Variants in GPC5 observed in about 807,000 individuals in gnomAD.
GPC5 encodes the protein glypican-5.
In GPC5, 47 loss-of-function variants were observed where a neutral mutation model predicts 53.9. The observed-to-expected ratio is 0.87, with a 90% confidence interval of 0.69 to 1.11. The LOEUF (loss-of-function observed/expected upper bound fraction) is 1.11, where lower values mean the gene tolerates loss of function less well. Among genes scored for constraint, GPC5 ranks in the 50% most tolerant of loss-of-function variants. GPC5 has a pLI of 0.00. For synonymous variants in GPC5, 286 were observed against 263.3 expected (o/e 1.09, Z -0.84); for missense variants, 748 against 713.1 (o/e 1.05, Z -0.56).
intron 7 of GPC5, among the ~76,000 whole-genome samples, chr13:92,167,842 G>A (rs1490312712): frequency 1.3e-5 from 2 of 148,754 alleles, no homozygotes; most frequent in Non-Finnish European, 3.0e-5. Context: ...ACTCATTTTA[G>A]TTCAGTATCA....
intron 7 of GPC5, among the ~76,000 whole-genome samples, chr13:92,560,877 G>GTC (rs1882673984): frequency 6.6e-6 from 1 of 151,380 alleles, no homozygotes; most frequent in South Asian, 2.1e-4. Flanking sequence ...GTGTGTGTGT[G>GTC]TGTGTGTGTG....
At chr13:92,663,503 C>G (rs1886419296) in intron 7 of GPC5, among the ~76,000 whole-genome samples, 1 of 149,682 alleles carries the variant, frequency 6.7e-6, no homozygotes, top group African/African-American at 2.5e-5. Context: ...CTTTGGGAGG[C>G]TTAGACGGGC....
At chr13:92,458,854 A>C (rs1878375058) in intron 7 of GPC5, among the ~76,000 whole-genome samples, 1 of 152,204 alleles carries the variant, frequency 6.6e-6, no homozygotes, top group Non-Finnish European at 1.5e-5. Flanking sequence ...TAATAAACAC[A>C]GTGATAAGAA....
chr13:91,828,231 A>T (rs1435488732), intron 5 of GPC5, among the ~76,000 whole-genome samples: 2 of 151,964 alleles, frequency 1.3e-5, no homozygotes, highest in Non-Finnish European at 2.9e-5. Context: ...ATTTTCAAAA[A>T]CTCATTGAAT....
At chr13:92,274,746 G>C (rs940856939) in intron 7 of GPC5, among the ~76,000 whole-genome samples, 8 of 152,084 alleles carry the variant, frequency 5.3e-5, no homozygotes, top group East Asian at 3.9e-4. Flanking sequence ...AAAGCGTATG[G>C]GCTGAGGAGA....
intron 7 of GPC5, among the ~76,000 whole-genome samples, chr13:92,352,538 CT>C (rs1197583519): frequency 6.6e-6 from 1 of 151,910 alleles, no homozygotes; most frequent in Non-Finnish European, 1.5e-5. Flanking sequence ...CAATGGAAAA[CT>C]GCCAAAAGAC....
chr13:92,374,132 A>G (rs1020503417), intron 7 of GPC5, among the ~76,000 whole-genome samples: 1 of 152,194 alleles, frequency 6.6e-6, no homozygotes, highest in African/African-American at 2.4e-5. Flanking sequence ...CCTTTAGCTA[A>G]AAGAAACCAT....
chr13:92,601,554 CAAAAA>C (rs57333686), intron 7 of GPC5, among the ~76,000 whole-genome samples: 2 of 67,402 alleles, frequency 3.0e-5, no homozygotes, highest in African/African-American at 4.3e-5. Context: ...GACTCCATCT[CAAAAA>C]AAAAAAAAAA....
chr13:92,116,279 A>AC (rs2041600967), intron 6 of GPC5, among the ~76,000 whole-genome samples: 1 of 151,764 alleles, frequency 6.6e-6, no homozygotes, highest in African/African-American at 2.4e-5. Context: ...ACAAAAAAAA[A>AC]AAAACAGTGC....
At chr13:91,531,473 A>G (rs1886342638) in intron 2 of GPC5, among the ~76,000 whole-genome samples, 1 of 152,166 alleles carries the variant, frequency 6.6e-6, no homozygotes, top group Non-Finnish European at 1.5e-5. Context: ...TTTAAAACTT[A>G]CAAAGGAAAG....
At chr13:92,841,575 T>A (rs1021894312) in intron 7 of GPC5, among the ~76,000 whole-genome samples, 3 of 152,106 alleles carry the variant, frequency 2.0e-5, no homozygotes, top group Admixed American at 2.0e-4. Context: ...TTTAAATATA[T>A]CATAAGAGGA....
At position 91,808,340 on chromosome 13, in the gene GPC5, G is replaced by A. The variant is rs185353913; in HGVS notation, c.1280+51920G>A. On this transcript the variant is annotated intron_variant, in intron 5 of 7. Coordinates refer to ENST00000377067, the MANE Select transcript of GPC5 (RefSeq NM_004466.6). The stretch of plus-strand genomic sequence containing the variant: ...ATTGGTTATTGATTGTAGCTCTGCC[G>A]ATTTTGTGCCTTCCCATCTTGGTCA... Among the ~76,000 whole-genome samples the A allele has an allele frequency of 2.8e-4, 42 of 152,192 alleles. 1 individual carries two copies. The highest frequency in any genetic ancestry group is 8.2e-4 in the African/African-American group (34 of 41,560).
intron 6 of GPC5, among the ~76,000 whole-genome samples, chr13:92,039,878 T>A (rs2040928357): frequency 6.6e-6 from 1 of 152,190 alleles, no homozygotes; most frequent in Non-Finnish European, 1.5e-5. Context: ...AAGGCCTTAT[T>A]TTCAAATACA....
At chr13:92,323,007 T>C (rs1594099904) in intron 7 of GPC5, among the ~76,000 whole-genome samples, 1 of 151,946 alleles carries the variant, frequency 6.6e-6, no homozygotes, top group East Asian at 1.9e-4. Context: ...AAAGGAGAAA[T>C]TCAATCTTAC....
chr13:92,653,043 T>C lies in GPC5; in HGVS notation c.1562-213239T>C, dbSNP rs78108586. On this transcript the variant is annotated intron_variant, in intron 7 of 7. Transcript: ENST00000377067. ...TGTGTGAGAGACTACAATGTGTATTTGCTGAGGTAATCCTAGGACTCACCA... is the reference window on the plus strand; with the variant it reads ...TGTGTGAGAGACTACAATGTGTATTCGCTGAGGTAATCCTAGGACTCACCA... Among the ~76,000 whole-genome samples the C allele has an allele frequency of 1.3e-4, 20 of 152,296 alleles. No individual in the cohort carries two copies. In the East Asian group the frequency reaches 3.9e-3, roughly 29 times the overall value.
chr13:91,820,509 T>C (rs558166403), intron 5 of GPC5, among the ~76,000 whole-genome samples: 51 of 152,298 alleles, frequency 3.3e-4, no homozygotes, highest in Admixed American at 1.2e-3. Context: ...CAGTGCGAAG[T>C]ATCTAATTTG....
At chr13:92,541,311 T>C (rs1881923543) in intron 7 of GPC5, among the ~76,000 whole-genome samples, 1 of 151,896 alleles carries the variant, frequency 6.6e-6, no homozygotes, top group African/African-American at 2.4e-5. Context: ...TGCAATACTT[T>C]CCAGTATTTT....
At chr13:92,433,306 G>C (rs1040417696) in intron 7 of GPC5, among the ~76,000 whole-genome samples, 12 of 152,142 alleles carry the variant, frequency 7.9e-5, no homozygotes, top group Admixed American at 3.3e-4. Context: ...ATGGGGATGA[G>C]TTTGGTAGAC....
chr13:91,658,896 C>A (rs2139603829), intron 2 of GPC5, among the ~76,000 whole-genome samples: 1 of 152,266 alleles, frequency 6.6e-6, no homozygotes, highest in East Asian at 1.9e-4. Context: ...ACACTAGTGG[C>A]AGAAACAATT....
Sources: gnomAD v4.1 joint callset for allele counts (sites outside exome capture counted in the v4.1 genomes callset) on GRCh38, gnomAD v4.1.1 for gene constraint, MANE v1.5 for transcripts, NCBI Gene and HGNC (gene_info 2026-07-23, HGNC 2026-07-21) for gene names.